Variants in GRM8 observed in about 807,000 individuals in gnomAD.
GRM8 encodes glutamate metabotropic receptor 8, also known as metabotropic glutamate receptor 8.
Under a neutral mutation model 87.2 loss-of-function variants are expected in GRM8, and 47 were observed. That is an observed-to-expected ratio of 0.54 (90% CI 0.43 to 0.69). GRM8 has a LOEUF of 0.69. Ranked by LOEUF, GRM8 falls within the 30% of genes least tolerant of loss-of-function variation. The probability of loss-of-function intolerance (pLI) is 0.00; values close to 1 mark genes in which losing one functional copy is unlikely to be tolerated. For missense variants in GRM8, 1,019 were observed against 1,139.2 expected (o/e 0.89, Z 1.52); for synonymous variants, 396 against 404.5 (o/e 0.98, Z 0.25).
intron 7 of GRM8, among the ~76,000 whole-genome samples, chr7:126,616,053 C>A (rs1799454564): frequency 6.6e-6 from 1 of 152,170 alleles, no homozygotes; most frequent in Non-Finnish European, 1.5e-5. Flanking sequence ...ACTCTCCACC[C>A]CAAATCAACA....
chr7:126,595,998 G>A (rs1797151790), intron 8 of GRM8, among the ~76,000 whole-genome samples: 1 of 152,086 alleles, frequency 6.6e-6, no homozygotes, highest in Non-Finnish European at 1.5e-5. Context: ...TCAGATGGGT[G>A]TGGTGGCACA....
At chr7:126,915,491 T>A (rs180746115) in intron 3 of GRM8, among the ~76,000 whole-genome samples, 20 of 152,318 alleles carry the variant, frequency 1.3e-4, no homozygotes, top group African/African-American at 4.8e-4. Context: ...TCACAACTCA[T>A]ACTAGAGATT....
chr7:126,766,222 A>T (rs906442375), intron 7 of GRM8, among the ~76,000 whole-genome samples: 4 of 138,496 alleles, frequency 2.9e-5, no homozygotes, highest in African/African-American at 1.4e-4. Context: ...TTTAAGAAAC[A>T]AACAGTTCTC....
chr7:126,871,818 T>A (rs1056144287), intron 6 of GRM8, among the ~76,000 whole-genome samples: 2 of 152,166 alleles, frequency 1.3e-5, no homozygotes, highest in Admixed American at 6.6e-5. Flanking sequence ...ATTAAATCCA[T>A]CTCTAAGAAT....
intron 2 of GRM8, among the ~76,000 whole-genome samples, chr7:127,191,104 CA>C (rs1795005571): frequency 6.6e-6 from 1 of 152,068 alleles, no homozygotes; most frequent in African/African-American, 2.4e-5. Context: ...ACAGGTTTGA[CA>C]AAATGAAAAG....
At chr7:126,768,757 C>T (rs1272632531) in intron 7 of GRM8, among the ~76,000 whole-genome samples, 3 of 152,024 alleles carry the variant, frequency 2.0e-5, no homozygotes, top group Non-Finnish European at 2.9e-5. Flanking sequence ...CAACATTCCT[C>T]TTTTGATCAA....
intron 9 of GRM8, among the ~76,000 whole-genome samples, chr7:126,516,777 T>C (rs920201374): frequency 6.6e-6 from 1 of 152,158 alleles, no homozygotes; most frequent in African/African-American, 2.4e-5. Context: ...TACTTGTATA[T>C]ATCTTACTTT....
rs372059590 is a variant in GRM8 at position 127,195,124 on chromosome 7, G to T, written c.510+47571C>A. On this transcript the variant is annotated intron_variant, in intron 2 of 10. Coordinates refer to ENST00000339582, the MANE Select transcript of GRM8 (RefSeq NM_000845.3). The stretch of plus-strand genomic sequence containing the variant: ...TGCTTCAACTTTCATTCCACTCATT[G>T]TATCTGATACATATGTACAAATTCT... Among the ~76,000 whole-genome samples the T allele has an allele frequency of 2.6e-5, 4 of 152,114 alleles. No individual in the cohort carries two copies. The South Asian group carries it at 8.3e-4, about 32-fold the overall frequency.
chr7:127,230,560 C>T (rs1797621297), intron 2 of GRM8, among the ~76,000 whole-genome samples: 2 of 152,210 alleles, frequency 1.3e-5, no homozygotes, highest in South Asian at 2.1e-4. Flanking sequence ...GTATCCCCCA[C>T]CAGAATTCAT....
intron 3 of GRM8, among the ~76,000 whole-genome samples, chr7:127,085,177 G>A (rs906419713): frequency 6.6e-6 from 1 of 152,196 alleles, no homozygotes; most frequent in South Asian, 2.1e-4. Flanking sequence ...ATTCCATGGT[G>A]TATATGTGCC....
At chr7:126,485,246 A>G (rs6467083) in intron 9 of GRM8, among the ~76,000 whole-genome samples, 20,987 of 151,276 alleles carry the variant, frequency 0.14, 2,967 homozygotes, top group African/African-American at 0.37. Context: ...TGTCATAATA[A>G]TATGGGGTAA....
chr7:127,119,983 C>A (rs557314548), intron 2 of GRM8, among the ~76,000 whole-genome samples: 1 of 152,294 alleles, frequency 6.6e-6, no homozygotes, highest in African/African-American at 2.4e-5. Flanking sequence ...CCATGTCTTA[C>A]TTATTTGACC....
chr7:126,901,512 C>A (rs539385249), intron 6 of GRM8, among the ~76,000 whole-genome samples: 2 of 152,208 alleles, frequency 1.3e-5, no homozygotes, highest in Non-Finnish European at 2.9e-5. Context: ...CACATGGAAG[C>A]CTGAAATCAG....
intron 9 of GRM8, among the ~76,000 whole-genome samples, chr7:126,455,645 G>A (rs1419755771): frequency 2.0e-5 from 3 of 151,730 alleles, no homozygotes; most frequent in African/African-American, 7.2e-5. Flanking sequence ...AGCTGGATAA[G>A]TTAATCTTTT....
At chr7:126,694,251 G>A (rs1045947639) in intron 7 of GRM8, among the ~76,000 whole-genome samples, 1 of 152,006 alleles carries the variant, frequency 6.6e-6, no homozygotes, top group African/African-American at 2.4e-5. Context: ...CTAAAACATA[G>A]TACTTGCTTT....
chr7:127,175,853 C>T (rs1364370229), intron 2 of GRM8, among the ~76,000 whole-genome samples: 2 of 151,950 alleles, frequency 1.3e-5, no homozygotes, highest in Non-Finnish European at 2.9e-5. Context: ...TTTTAAAAAA[C>T]ATTATTTAAG....
intron 2 of GRM8, among the ~76,000 whole-genome samples, chr7:127,138,700 T>C (rs1035529077): frequency 6.6e-6 from 1 of 152,048 alleles, no homozygotes; most frequent in South Asian, 2.1e-4. Context: ...TACACACATA[T>C]GCCAAGGCAA....
intron 6 of GRM8, among the ~76,000 whole-genome samples, chr7:126,893,746 T>C (rs1405882269): frequency 1.3e-5 from 2 of 151,974 alleles, no homozygotes; most frequent in Non-Finnish European, 2.9e-5. Context: ...ACAAATGTCA[T>C]AAGTAATAAA....
At chr7:126,538,180 GTTA>G (rs1263452919) in intron 8 of GRM8, among the ~76,000 whole-genome samples, 4 of 152,190 alleles carry the variant, frequency 2.6e-5, no homozygotes, top group Admixed American at 2.6e-4. Context: ...GTCAAATCCT[GTTA>G]TTATTGCAGA....
Sources: gnomAD v4.1 joint callset for allele counts (sites outside exome capture counted in the v4.1 genomes callset) on GRCh38, gnomAD v4.1.1 for gene constraint, MANE v1.5 for transcripts, NCBI Gene and HGNC (gene_info 2026-07-23, HGNC 2026-07-21) for gene names.